ZC3H3: variants seen among roughly 807,000 people sequenced by gnomAD.
ZC3H3 encodes zinc finger CCCH domain-containing protein 3.
In ZC3H3, 36 loss-of-function variants were observed where a neutral mutation model predicts 77.3. The ratio of observed to expected loss-of-function variants is 0.47; its 90% CI spans 0.36 to 0.61. The LOEUF (loss-of-function observed/expected upper bound fraction) is 0.61. Among genes scored for constraint, ZC3H3 ranks in the 20% least tolerant of loss-of-function variants. ZC3H3 has a pLI of 0.00. For synonymous variants in ZC3H3, 626 were observed against 555.2 expected, an observed-to-expected ratio of 1.13 and a Z score of -1.79; for missense variants, 1,331 against 1,312.2, an observed-to-expected ratio of 1.01 and a Z score of -0.22.
At chr8:143,492,326 T>G (rs1821230549) in intron 4 of ZC3H3, among the ~76,000 whole-genome samples, 1 of 151,980 alleles carries the variant, frequency 6.6e-6, no homozygotes, top group Non-Finnish European at 1.5e-5. Context: ...GGGGATCCGG[T>G]GGCGGCCACC....
At chr8:143,523,280 C>CT in intron 3 of ZC3H3, 1 of 979,276 alleles carries the variant, frequency 1.0e-6, no homozygotes, top group Non-Finnish European at 1.2e-6. Context: ...TCCCCAGGGG[C>CT]TATAGCAAAG....
intron 3 of ZC3H3, among the ~76,000 whole-genome samples, chr8:143,534,313 G>A (rs918846793): frequency 4.1e-5 from 6 of 145,678 alleles, no homozygotes; most frequent in African/African-American, 1.3e-4. Flanking sequence ...GATCAATTAC[G>A]CCCTTCCCTC....
At chr8:143,484,993 GA>G (rs1387092750) in intron 4 of ZC3H3, 1 of 399,782 alleles carries the variant, frequency 2.5e-6, no homozygotes, top group East Asian at 7.7e-5. Context: ...ACTCACTTCA[GA>G]GGGGTAACCA....
At chr8:143,466,261 C>T (rs554721691) in intron 8 of ZC3H3, among the ~76,000 whole-genome samples, 18 of 152,206 alleles carry the variant, frequency 1.2e-4, no homozygotes, top group South Asian at 4.1e-4. Flanking sequence ...GGTGGGAGGA[C>T]GAGCCACGGG....
chr8:143,510,810 C>G (rs1416296511), intron 3 of ZC3H3, among the ~76,000 whole-genome samples: 1 of 152,184 alleles, frequency 6.6e-6, no homozygotes, highest in Admixed American at 6.5e-5. Flanking sequence ...CCCCTCATTA[C>G]AGACTCCCAG....
intron 4 of ZC3H3, among the ~76,000 whole-genome samples, chr8:143,489,850 C>G (rs1382486403): frequency 6.6e-6 from 1 of 152,168 alleles, no homozygotes; most frequent in African/African-American, 2.4e-5. Context: ...GCAAATTAAA[C>G]CGCGCCTGAC....
chr8:143,443,840 A>G (rs919730217), intron 9 of ZC3H3, among the ~76,000 whole-genome samples: 1 of 152,258 alleles, frequency 6.6e-6, no homozygotes, highest in African/African-American at 2.4e-5. Context: ...TGAAAACACC[A>G]GTGAATTGAC....
In ZC3H3 at chr8:143,440,056, G is replaced by C. The variant is rs757384942; in HGVS notation, c.2800C>G (p.Leu934Val). 6.4e-6 allele frequency: 10 copies of C among 1,557,566 alleles called. No homozygotes were observed. The highest frequency in any genetic ancestry group is 6.9e-6 in the Non-Finnish European group (8 of 1,152,284). The change falls in exon 11 of 12, where the codon CTC becomes GTC. Residue 934 changes from leucine to valine, a missense_variant. Coordinates refer to ENST00000262577, the MANE Select transcript of ZC3H3 (RefSeq NM_015117.3). ...TGCTGCCTACCTGAGTCCTTGGTGA[G>C]GGGGGCCCTAGGGGCCCGGACCCTG... ...QPRVRAPRAP[L>V]TKDSGKPLHI...
At chr8:143,475,082 G>T (rs544800040) in intron 5 of ZC3H3, among the ~76,000 whole-genome samples, 1 of 152,380 alleles carries the variant, frequency 6.6e-6, no homozygotes, top group Admixed American at 6.5e-5. Context: ...CTTCCTGGGG[G>T]ATGGCAGAGG....
In ZC3H3 at chr8:143,440,269, C is replaced by G. The variant is rs901618494; in HGVS notation, c.2587G>C (p.Gly863Arg). 6.3e-6 allele frequency: 10 copies of G among 1,585,236 alleles called. No individual in the cohort carries two copies. In the African/African-American group the frequency reaches 1.1e-4, roughly 17 times the overall value. Reference sequence around the variant, plus strand: ...TTCGAGGATGAGGGAGAGGCTGACCCCCCTGGGCAGTGGGGAGGTGCAGCC... The same window carrying G: ...TTCGAGGATGAGGGAGAGGCTGACCGCCCTGGGCAGTGGGGAGGTGCAGCC... Reference protein sequence around the residue: ...AVAAPPHCPGGSASPSSSKAS... With the variant: ...AVAAPPHCPGRSASPSSSKAS... Residue 863 changes from glycine (G) to arginine (R), a missense_variant, in exon 11 of 12, where the codon GGG becomes CGG. This residue lies in a region of ZC3H3 where 249 missense variants were observed against 236.9 expected (regional missense o/e 1.05). Transcript: ENST00000262577.
intron 4 of ZC3H3, among the ~76,000 whole-genome samples, chr8:143,501,629 T>C (rs1006766799): frequency 6.6e-6 from 1 of 151,428 alleles, no homozygotes; most frequent in Non-Finnish European, 1.5e-5. Context: ...TGATCACAGG[T>C]GTGAGCCATC....
At chr8:143,504,611 C>CT (rs2130412052) in intron 4 of ZC3H3, among the ~76,000 whole-genome samples, 1 of 152,294 alleles carries the variant, frequency 6.6e-6, no homozygotes, top group East Asian at 1.9e-4. Flanking sequence ...CAGGGACGGG[C>CT]TGTCAGGTTC....
At chr8:143,488,890 C>T (rs2129958647) in intron 4 of ZC3H3, among the ~76,000 whole-genome samples, 1 of 152,332 alleles carries the variant, frequency 6.6e-6, no homozygotes, top group Non-Finnish European at 1.5e-5. Flanking sequence ...GAACACAAAC[C>T]ATGTTGAACT....
chr8:143,438,477 G>A (rs978759109), intron 11 of ZC3H3, among the ~76,000 whole-genome samples: 3 of 152,194 alleles, frequency 2.0e-5, no homozygotes, highest in African/African-American at 7.2e-5. Flanking sequence ...CAGTGAGGCT[G>A]CCAGACACAC....
Position 143,538,408 on chromosome 8 carries a change from C to A in ZC3H3, c.959G>T (p.Ser320Ile). 1 of 1,613,250 alleles carries A rather than the reference C, an allele frequency of 6.2e-7. No homozygotes were observed. Among genetic ancestry groups the A allele is most frequent in the Non-Finnish European group, 8.5e-7 (1 of 1,180,036 alleles). Residue 320 changes from serine (S) to isoleucine (I), a missense_variant, in exon 2 of 12, where the codon AGT (serine) becomes ATT (isoleucine). Around this residue, in one of 3 missense-constraint regions of ZC3H3, gnomAD observed 978 missense variants for 915.5 expected, o/e 1.07. Coordinates refer to ENST00000262577, the MANE Select transcript of ZC3H3 (RefSeq NM_015117.3). The stretch of plus-strand genomic sequence containing the variant: ...GAGGGCCCTCCGAGCAACCCGGGGA[C>A]TCTTCGAGGAGGCAGCCACCCATTT... ...NYKWVAASSK[S>I]PRVARRALSP...
At chr8:143,440,544 C>A (rs1482613542) in intron 10 of ZC3H3, among the ~76,000 whole-genome samples, 181 bp from the exon 11 acceptor site, 1 of 152,176 alleles carries the variant, frequency 6.6e-6, no homozygotes, top group South Asian at 2.1e-4. Context: ...CAGGGATGGC[C>A]CCAGCTCCAC....
chr8:143,483,592 G>A (rs972565105), intron 4 of ZC3H3, among the ~76,000 whole-genome samples: 2 of 152,164 alleles, frequency 1.3e-5, no homozygotes, highest in African/African-American at 4.8e-5. Flanking sequence ...TGCTAGGCGG[G>A]CTCCCGGCTC....
chr8:143,448,005 G>A (rs1819900568), intron 9 of ZC3H3, among the ~76,000 whole-genome samples: 1 of 152,204 alleles, frequency 6.6e-6, no homozygotes, highest in South Asian at 2.1e-4. Flanking sequence ...GTGCATGCCT[G>A]TAATCCTAGC....
intron 4 of ZC3H3, among the ~76,000 whole-genome samples, chr8:143,503,934 G>A (rs1196120589): frequency 6.6e-6 from 1 of 152,204 alleles, no homozygotes; most frequent in Non-Finnish European, 1.5e-5. Context: ...CTTCCACATG[G>A]GCCCAACATG....
Sources: gnomAD v4.1 joint callset for allele counts (sites outside exome capture counted in the v4.1 genomes callset) on GRCh38, gnomAD v4.1.1 for gene constraint, gnomAD v4.1.1 regional missense constraint, MANE v1.5 for transcripts, NCBI Gene and HGNC (gene_info 2026-07-23, HGNC 2026-07-21) for gene names.